ZNF286A: variants seen among roughly 807,000 people sequenced by gnomAD.
The protein encoded by ZNF286A is zinc finger protein ZNF286.
In ZNF286A, 34 loss-of-function variants were observed where a neutral mutation model predicts 49.3. The observed-to-expected ratio is 0.69, with a 90% confidence interval of 0.52 to 0.92. The LOEUF is 0.92. ZNF286A is among the 40% of genes least tolerant of loss of function. The pLI is 0.00. For synonymous variants in ZNF286A, 155 were observed against 200.4 expected (o/e 0.77, Z 1.91); for missense variants, 462 against 600.2 (o/e 0.77, Z 2.41).
intron 5 of ZNF286A, among the ~76,000 whole-genome samples, chr17:15,712,673 ATTT>A (rs1189541033): frequency 6.6e-6 from 1 of 152,048 alleles, no homozygotes; most frequent in Non-Finnish European, 1.5e-5. Context: ...TCCTTCATAT[ATTT>A]TTTGTTTTCC....
At chr17:15,704,616 G>A (rs1990062829) in intron 3 of ZNF286A, 4 of 1,613,928 alleles carry the variant, frequency 2.5e-6, no homozygotes, top group South Asian at 2.2e-5. Context: ...GCACGTTGAC[G>A]CAGATCTCGC....
intron 5 of ZNF286A, among the ~76,000 whole-genome samples, chr17:15,710,300 A>G (rs1990556531): frequency 6.6e-6 from 1 of 152,124 alleles, no homozygotes; most frequent in African/African-American, 2.4e-5. Flanking sequence ...TTTTTTTTAA[A>G]TAGTGCTTTT....
At chr17:15,709,406 T>C (rs1990478631) in intron 5 of ZNF286A, among the ~76,000 whole-genome samples, 1 of 151,406 alleles carries the variant, frequency 6.6e-6, no homozygotes, top group Admixed American at 6.6e-5. Flanking sequence ...GCAGGAGAAT[T>C]GCTTGAACCC....
chr17:15,712,699 A>G (rs1027685471), intron 5 of ZNF286A, among the ~76,000 whole-genome samples: 4 of 152,112 alleles, frequency 2.6e-5, no homozygotes, highest in African/African-American at 9.7e-5. Context: ...GATTACTGTG[A>G]TAATCTTTGT....
intron 5 of ZNF286A, among the ~76,000 whole-genome samples, chr17:15,709,631 A>G (rs572784660): frequency 6.6e-6 from 1 of 152,292 alleles, no homozygotes; most frequent in Admixed American, 6.5e-5. Context: ...ATACATATGT[A>G]TGTAAAACAA....
intron 5 of ZNF286A, among the ~76,000 whole-genome samples, chr17:15,712,160 C>T (rs1224264745): frequency 6.6e-6 from 1 of 152,242 alleles, no homozygotes; most frequent in Non-Finnish European, 1.5e-5. Flanking sequence ...GCGTGAGCCA[C>T]TGCGTCCAGC....
intron 5 of ZNF286A, among the ~76,000 whole-genome samples, chr17:15,715,174 C>T (rs1461912008): frequency 1.3e-5 from 2 of 151,834 alleles, no homozygotes; most frequent in African/African-American, 4.8e-5. Context: ...GATGTTTTCC[C>T]TATAGGTACA....
rs1402387774 is a variant in ZNF286A, at chr17:15,718,653, C to T, written c.*1363C>T. ...CACAGGATAGTCCTCAACTGACTTGCTTGAGGATAAGCAGCTTCCCTTCGT... is the reference window on the plus strand; with the variant it reads ...CACAGGATAGTCCTCAACTGACTTGTTTGAGGATAAGCAGCTTCCCTTCGT... On this transcript the variant is annotated 3_prime_UTR_variant, in exon 6 of 6. Transcript: ENST00000583566. 2.0e-5 allele frequency: 3 copies of T among 151,348 alleles called. No individual in the cohort carries two copies. The highest frequency in any genetic ancestry group is 4.4e-5 in the Non-Finnish European group (3 of 67,932). 9.4% of individuals were successfully genotyped at this position (151,348 alleles called of 1,614,324 possible).
At chr17:15,714,757 GAGCCT>G (rs1474760430) in intron 5 of ZNF286A, among the ~76,000 whole-genome samples, 1 of 151,794 alleles carries the variant, frequency 6.6e-6, no homozygotes, top group Non-Finnish European at 1.5e-5. Flanking sequence ...GACTAGTTCA[GAGCCT>G]AGCACATGGA....
At chr17:15,712,074 G>C (rs368149513) in intron 5 of ZNF286A, among the ~76,000 whole-genome samples, 3 of 152,104 alleles carry the variant, frequency 2.0e-5, no homozygotes, top group Non-Finnish European at 4.4e-5. Context: ...GGGTTTCACC[G>C]TGTTAGCCGG....
chr17:15,712,300 T>A (rs1462173935), intron 5 of ZNF286A, among the ~76,000 whole-genome samples: 1 of 152,252 alleles, frequency 6.6e-6, no homozygotes, highest in Non-Finnish European at 1.5e-5. Context: ...TACTTACTAC[T>A]TCATTAGTCT....
At chr17:15,699,947 C>G in intron 1 of ZNF286A, 170 bp downstream of exon 1, 1 of 626,564 alleles carries the variant, frequency 1.6e-6, no homozygotes, top group Non-Finnish European at 2.9e-6. Flanking sequence ...TCGGGGGACG[C>G]GGTTGTGCCA....
At chr17:15,713,253 T>C (rs1391226952) in intron 5 of ZNF286A, among the ~76,000 whole-genome samples, 2 of 152,172 alleles carry the variant, frequency 1.3e-5, no homozygotes. Flanking sequence ...TAAAAAATTA[T>C]AAACATGTCG....
chr17:15,716,790 T>G lies in ZNF286A; in HGVS notation c.1066T>G (p.Cys356Gly), dbSNP rs1161755111. ...TCATACTGGAGTGAAGCCTTATGAATGTAATGAATGTGATAAAGCTTTTAT... is the reference window on the plus strand; with the variant it reads ...TCATACTGGAGTGAAGCCTTATGAAGGTAATGAATGTGATAAAGCTTTTAT... ...LIHTGVKPYE[C>G]NECDKAFIHS... The change falls in exon 6 of 6, where the codon TGT becomes GGT. Residue 356 changes from cysteine (C) to glycine (G), a missense_variant. Cys to Gly is a radical substitution (Grantham distance 159, BLOSUM62 -3). Around this residue, in one of 3 missense-constraint regions of ZNF286A, gnomAD observed 201 missense variants for 311.3 expected, o/e 0.65. Coordinates refer to ENST00000583566, the MANE Select transcript of ZNF286A (RefSeq NM_001130842.2). 2 of 1,613,948 alleles carry G rather than the reference T, an allele frequency of 1.2e-6. No homozygotes were observed. The highest frequency in any genetic ancestry group is 2.2e-5 in the South Asian group (2 of 91,074).
In ZNF286A at chr17:15,720,390, G is replaced by A. The variant is rs1967312251; in HGVS notation, c.*3100G>A. On this transcript the variant is annotated 3_prime_UTR_variant, in exon 6 of 6. Coordinates refer to ENST00000583566, the MANE Select transcript of ZNF286A (RefSeq NM_001130842.2). ...ACCCATGAAGAACTGTGACCATCTT[G>A]TTCTGTGTCTTGTCATAAAGATGGG... 6.6e-6 allele frequency: 1 copy of A among 151,186 alleles called. No individual in the cohort carries two copies. The highest frequency in any genetic ancestry group is 2.1e-4 in the South Asian group (1 of 4,680). 9.4% of individuals were successfully genotyped at this position (151,186 alleles called of 1,614,324 possible).
intron 5 of ZNF286A, among the ~76,000 whole-genome samples, chr17:15,713,338 A>G (rs1406407098): frequency 2.0e-5 from 3 of 152,260 alleles, no homozygotes; most frequent in Non-Finnish European, 2.9e-5. Context: ...GAAGTATGGC[A>G]TTGTTTTACA....
chr17:15,711,873 C>CTTTTTTTTTT (rs769063767), intron 5 of ZNF286A, among the ~76,000 whole-genome samples: 1 of 79,908 alleles, frequency 1.3e-5, no homozygotes, highest in African/African-American at 5.0e-5. Context: ...CCCCCCCCGG[C>CTTTTTTTTTT]TTTTTTTTTT....
At chr17:15,713,278 A>AT (rs377637257) in intron 5 of ZNF286A, among the ~76,000 whole-genome samples, 2,077 of 152,300 alleles carry the variant, frequency 0.014, 35 homozygotes, top group Non-Finnish European at 0.023. Context: ...AGCACAGTAT[A>AT]TTTTTTTGTT....
chr17:15,713,090 A>T (rs1433520618), intron 5 of ZNF286A, among the ~76,000 whole-genome samples: 1 of 152,226 alleles, frequency 6.6e-6, no homozygotes, highest in Non-Finnish European at 1.5e-5. Context: ...GCTATTAGCT[A>T]ATTCATTTAA....
Sources: gnomAD v4.1 joint callset for allele counts (sites outside exome capture counted in the v4.1 genomes callset) on GRCh38, gnomAD v4.1.1 for gene constraint, gnomAD v4.1.1 regional missense constraint, MANE v1.5 for transcripts, NCBI Gene and HGNC (gene_info 2026-07-23, HGNC 2026-07-21) for gene names.